The following DAGLB variants were observed in gnomAD, a reference collection of about 807,000 sequenced individuals.
DAGLB encodes the protein diacylglycerol lipase beta.
In DAGLB, 66 loss-of-function variants were observed where a neutral mutation model predicts 72.1. The observed-to-expected ratio is 0.92, with a 90% CI of 0.75 to 1.12. The LOEUF is 1.12. DAGLB is among the 50% of genes most tolerant of loss of function. DAGLB has a pLI of 0.00. For missense variants in DAGLB, 1,065 were observed against 884.9 expected, an observed-to-expected ratio of 1.20 and a Z score of -2.58; for synonymous variants, 414 against 359.5, an observed-to-expected ratio of 1.15 and a Z score of -1.71.
At chr7:6,420,169 C>A (rs548738420) in intron 9 of DAGLB, among the ~76,000 whole-genome samples, 2 of 151,596 alleles carry the variant, frequency 1.3e-5, no homozygotes, top group Non-Finnish European at 2.9e-5. Context: ...AGTCCAGGTG[C>A]GGTGGCTTAT....
At chr7:6,414,520 C>T (rs541152210) in intron 11 of DAGLB, among the ~76,000 whole-genome samples, 17 of 152,000 alleles carry the variant, frequency 1.1e-4, no homozygotes, top group African/African-American at 3.4e-4. Flanking sequence ...AGGCTGGTCT[C>T]GATCTCCTGG....
At chr7:6,443,838 T>G (rs1177459338) in intron 2 of DAGLB, among the ~76,000 whole-genome samples, 1 of 152,164 alleles carries the variant, frequency 6.6e-6, no homozygotes, top group East Asian at 1.9e-4. Flanking sequence ...TAAGAATGCA[T>G]TCCTTTATTA....
chr7:6,436,515 C>T lies in DAGLB; in HGVS notation c.266G>A (p.Gly89Glu). 2 of 1,614,072 alleles carry T rather than the reference C, an allele frequency of 1.2e-6. No individual in the cohort carries two copies. The highest frequency in any genetic ancestry group is 2.2e-5 in the South Asian group (2 of 91,054). Reference sequence around the variant, plus strand: ...CAGCTTAGACATAGACTTCCGCGGTCCAGGGTTACAAATCGTTCCTGAAAT... The same window carrying T: ...CAGCTTAGACATAGACTTCCGCGGTTCAGGGTTACAAATCGTTCCTGAAAT... ...VSMRGTICNP[G>E]PRKSMSKLLY... Residue 89 changes from glycine to glutamate, a missense_variant, in exon 3 of 15, where the codon GGA becomes GAA. Transcript: ENST00000297056.
intron 5 of DAGLB, 46 bp from the exon 6 acceptor site, chr7:6,430,653 A>AATC (rs1261590315): frequency 1.3e-6 from 2 of 1,487,684 alleles, no homozygotes; most frequent in South Asian, 2.8e-5. Flanking sequence ...GGAACTCCTG[A>AATC]CACAGAGGAT....
chr7:6,435,086 G>A lies in DAGLB; in HGVS notation c.420-66C>T, dbSNP rs1176669550. ...CCCAGCCCAGACGCAGATGTCCGGG[G>A]TCCCTCCTCCAGGTTCAGTTTCTGA... On this transcript the variant is annotated intron_variant, in intron 3 of 14. Coordinates refer to ENST00000297056, the MANE Select transcript of DAGLB (RefSeq NM_139179.4). 15 of 1,579,720 alleles carry A rather than the reference G, an allele frequency of 9.5e-6. No individual in the cohort carries two copies. In the East Asian group the frequency reaches 2.5e-4, roughly 26 times the overall value.
chr7:6,416,669 T>C lies in DAGLB; in HGVS notation c.1385A>G (p.Gln462Arg). 1 of 1,613,634 alleles carries C rather than the reference T, an allele frequency of 6.2e-7. No homozygotes were observed. The highest frequency in any genetic ancestry group is 8.5e-7 in the Non-Finnish European group (1 of 1,179,822). ...LATMLRAAYPQVRCYAFSPPR... is the reference protein window; with the variant it reads ...LATMLRAAYPRVRCYAFSPPR... ...TGGGGAGAAGGCGTAGCACCTGACC[T>C]GCGGGTAGGCGGCTCTGAGCATGGT... Residue 462 changes from glutamine (Q) to arginine (R), a missense_variant, in exon 11 of 15, where the codon CAG becomes CGG. Coordinates refer to ENST00000297056, the MANE Select transcript of DAGLB (RefSeq NM_139179.4).
chr7:6,445,636 G>C (rs971578929), intron 2 of DAGLB: 6 of 176,114 alleles, frequency 3.4e-5, no homozygotes, highest in Non-Finnish European at 7.2e-5. Flanking sequence ...TCTATTTTTA[G>C]TAGAGACGTA....
At chr7:6,415,613 G>A (rs919384502) in intron 11 of DAGLB, among the ~76,000 whole-genome samples, 4 of 140,578 alleles carry the variant, frequency 2.8e-5, no homozygotes, top group Non-Finnish European at 4.6e-5. Context: ...CCAAGGTGGC[G>A]GATCATGAGG....
chr7:6,447,003 C>G (rs1479283481), intron 1 of DAGLB, among the ~76,000 whole-genome samples: 1 of 151,964 alleles, frequency 6.6e-6, no homozygotes, highest in Non-Finnish European at 1.5e-5. Flanking sequence ...GAGTGAGACC[C>G]TGTCTCAAAA....
chr7:6,432,749 G>A, intron 5 of DAGLB, 88 bp downstream of exon 5: 2 of 1,438,714 alleles, frequency 1.4e-6, no homozygotes, highest in Non-Finnish European at 1.8e-6. Flanking sequence ...AAGGGAGGAA[G>A]AAATTGCTAT....
chr7:6,427,483 T>G (rs969558946), intron 6 of DAGLB, among the ~76,000 whole-genome samples: 2 of 152,070 alleles, frequency 1.3e-5, no homozygotes, highest in Non-Finnish European at 2.9e-5. Flanking sequence ...AAAAAGAAAT[T>G]TATTAATTTA....
In DAGLB at chr7:6,447,774, G is replaced by A. The variant is rs1785058988; in HGVS notation, c.69C>T (p.Phe23=). The A allele has an allele frequency of 6.2e-7, 1 of 1,613,450 alleles. No homozygotes were observed. Among genetic ancestry groups the A allele is most frequent in the Non-Finnish European group, 8.5e-7 (1 of 1,179,824 alleles). The change falls in exon 1 of 15, where the codon TTC becomes TTT. Residue 23 remains phenylalanine (F), a synonymous_variant. Coordinates refer to ENST00000297056, the MANE Select transcript of DAGLB (RefSeq NM_139179.4). ...IASDDLVFPG[F]FELVVRVLWW... is the part of the protein sequence containing the mutation. ...ACAGCACTCGCACGACCAGCTCGAA[G>A]AACCCTGGGAAGACCAAGTCGTCGC...
In DAGLB at chr7:6,447,649, C is replaced by A. The variant is rs570440065; in HGVS notation, c.95+99G>T. On this transcript the variant is annotated intron_variant, in intron 1 of 14. Transcript: ENST00000297056. Reference sequence around the variant, plus strand: ...TGCGTGGCCAGCGCTGGGACCGCGACAGTGCTTGGGAAGCCACTTCTGTCA... The same window carrying A: ...TGCGTGGCCAGCGCTGGGACCGCGAAAGTGCTTGGGAAGCCACTTCTGTCA... 2,287 of 1,461,848 alleles carry A rather than the reference C, an allele frequency of 1.6e-3. 12 individuals carry two copies. Among genetic ancestry groups the A allele is most frequent in the Middle Eastern group, 9.1e-3 (49 of 5,412 alleles). 90.6% of individuals were successfully genotyped at this position (1,461,848 alleles called of 1,614,324 possible). A position where few individuals can be genotyped will look rare whatever the true frequency, so the allele number is the denominator to read the frequency against.
At chr7:6,423,816 T>C (rs1252266885) in intron 8 of DAGLB, among the ~76,000 whole-genome samples, 7 of 151,830 alleles carry the variant, frequency 4.6e-5, no homozygotes, top group African/African-American at 1.7e-4. Context: ...GTCGATCTCT[T>C]GACCTTGTGA....
chr7:6,428,486 CTTTTT>C (rs1251418612), intron 6 of DAGLB, among the ~76,000 whole-genome samples: 1 of 144,026 alleles, frequency 6.9e-6, no homozygotes, highest in Admixed American at 7.0e-5. Flanking sequence ...GTTTTGGTTT[CTTTTT>C]TTTTTTTCTT....
At chr7:6,438,209 G>A (rs1463632197) in intron 2 of DAGLB, among the ~76,000 whole-genome samples, 1 of 152,032 alleles carries the variant, frequency 6.6e-6, no homozygotes, top group African/African-American at 2.4e-5. Context: ...GTAGTTGGGT[G>A]GGGGAGGAGG....
intron 7 of DAGLB, among the ~76,000 whole-genome samples, chr7:6,425,073 C>A (rs1042863422): frequency 6.6e-6 from 1 of 152,204 alleles, no homozygotes; most frequent in Non-Finnish European, 1.5e-5. Context: ...CTCTCTCTGA[C>A]CTCCCCAGAG....
Position 6,435,010 on chromosome 7 carries a change from T to C in DAGLB, c.430A>G (p.Ile144Val), listed in dbSNP as rs1414035654. The C allele has an allele frequency of 1.2e-6, 2 of 1,613,164 alleles. No homozygotes were observed. The highest frequency in any genetic ancestry group is 1.7e-6 in the Non-Finnish European group (2 of 1,179,982). ...ATAATGGAAACCACTGTGGCAGCGA[T>C]GATGATCCAACTGCAAGACAGAGAG... ...IATVVVSWII[I>V]AATVVSIIIV... Residue 144 changes from isoleucine (I) to valine (V), a missense_variant, in exon 4 of 15, where the codon ATC (isoleucine) becomes GTC (valine). Transcript: ENST00000297056.
chr7:6,447,560 C>T (rs1203375990), intron 1 of DAGLB, among the ~76,000 whole-genome samples, 188 bp downstream of exon 1: 1 of 152,206 alleles, frequency 6.6e-6, no homozygotes, highest in Non-Finnish European at 1.5e-5. Flanking sequence ...GGTTTGTCAT[C>T]CGTCAAATGG....
Sources: allele counts gnomAD v4.1 joint callset (sites outside exome capture counted in the v4.1 genomes callset), GRCh38; gene constraint gnomAD v4.1.1; transcripts MANE v1.5; gene names NCBI Gene and HGNC (gene_info 2026-07-23, HGNC 2026-07-21).